The following UXS1 variants were observed in gnomAD, a reference collection of about 807,000 sequenced individuals.
UXS1 encodes UDP-glucuronate decarboxylase 1, also known as UDP-glucuronic acid decarboxylase 1.
Under a neutral mutation model 62.6 loss-of-function variants are expected in UXS1, and 33 were observed. The observed-to-expected ratio is 0.53, with a 90% CI of 0.40 to 0.70. UXS1 has a LOEUF of 0.70. UXS1 is among the 30% of genes least tolerant of loss of function. UXS1 has a pLI of 0.00. For missense variants in UXS1, 434 were observed against 556.3 expected (o/e 0.78, Z 2.21); for synonymous variants, 213 against 206.8 (o/e 1.03, Z -0.26).
chr2:106,163,688 TTC>T lies in UXS1; in HGVS notation c.207_208del (p.Lys70AsnfsTer41). 6.8e-7 allele frequency: 1 copy of T among 1,473,320 alleles called. No individual in the cohort carries two copies. Among genetic ancestry groups the T allele is most frequent in the Non-Finnish European group, 9.0e-7 (1 of 1,110,756 alleles). The allele number at this position is 1,473,320 out of a possible 1,614,324, so 91.3% of individuals were successfully genotyped here. A position where few individuals can be genotyped will look rare whatever the true frequency, so the allele number is the denominator to read the frequency against. On this transcript the variant is annotated frameshift_variant, in exon 4 of 15. Coordinates refer to ENST00000283148, the MANE Select transcript of UXS1 (RefSeq NM_001253875.2). LOFTEE classifies it high-confidence loss of function. ...ATACCTTTTTTCTAAATCTCTGATT[TTC>T]TCTCTTAGTGGTTCAACCATCTAGA...
At chr2:106,097,266 A>G in intron 13 of UXS1, 1 of 452,382 alleles carries the variant, frequency 2.2e-6, no homozygotes, top group South Asian at 1.6e-5. Flanking sequence ...GAGCCTAGAC[A>G]GCCCTGAGAC....
intron 1 of UXS1, among the ~76,000 whole-genome samples, chr2:106,190,742 T>TAA (rs1573603747): frequency 6.0e-4 from 6 of 9,970 alleles, no homozygotes; most frequent in Admixed American, 9.4e-4. Flanking sequence ...AAACTCTGTA[T>TAA]CAAAAAAAAA....
chr2:106,127,329 G>A (rs1252995157), intron 7 of UXS1, among the ~76,000 whole-genome samples: 5 of 152,242 alleles, frequency 3.3e-5, no homozygotes, highest in Middle Eastern at 3.4e-3. Context: ...CTGTTTTCCA[G>A]AGTAACTATA....
chr2:106,184,525 T>C (rs1310635635), intron 1 of UXS1, among the ~76,000 whole-genome samples: 1 of 152,216 alleles, frequency 6.6e-6, no homozygotes, highest in Non-Finnish European at 1.5e-5. Flanking sequence ...CTCACAGTTA[T>C]GAAGGTTGGG....
chr2:106,190,743 C>CAAAAAAAA (rs35043298), intron 1 of UXS1, among the ~76,000 whole-genome samples: 27 of 124,630 alleles, frequency 2.2e-4, no homozygotes, highest in African/African-American at 3.4e-4. Flanking sequence ...AACTCTGTAT[C>CAAAAAAAA]AAAAAAAAAA....
At chr2:106,161,265 T>C (rs1247071276) in intron 4 of UXS1, among the ~76,000 whole-genome samples, 1 of 151,754 alleles carries the variant, frequency 6.6e-6, no homozygotes, top group Non-Finnish European at 1.5e-5. Flanking sequence ...TAATCACAGC[T>C]CACTGCAGCC....
At chr2:106,094,183 G>A (rs1304858547) in intron 14 of UXS1, 26 bp from the exon 15 acceptor site, 16 of 1,476,102 alleles carry the variant, frequency 1.1e-5, no homozygotes, top group African/African-American at 3.7e-5. Flanking sequence ...GCAAGAAAGG[G>A]AGACAAGGTC....
chr2:106,149,908 G>A (rs1204006384), intron 5 of UXS1, among the ~76,000 whole-genome samples: 2 of 152,166 alleles, frequency 1.3e-5, no homozygotes, highest in South Asian at 2.1e-4. Context: ...GAGATTACCT[G>A]TAACATGGTT....
At chr2:106,142,171 CA>C (rs1246823553) in intron 6 of UXS1, among the ~76,000 whole-genome samples, 1 of 152,138 alleles carries the variant, frequency 6.6e-6, no homozygotes, top group African/African-American at 2.4e-5. Context: ...CATGCCCAGC[CA>C]ACTTCCTCAA....
chr2:106,110,795 A>G (rs985511970), intron 10 of UXS1, among the ~76,000 whole-genome samples: 8 of 152,240 alleles, frequency 5.3e-5, no homozygotes, highest in African/African-American at 1.9e-4. Flanking sequence ...CACTGTACTA[A>G]CAGAGATTGG....
chr2:106,097,795 C>T (rs141836679), intron 13 of UXS1: 38 of 157,032 alleles, frequency 2.4e-4, no homozygotes, highest in African/African-American at 3.1e-4. Flanking sequence ...CCCTTCCTCA[C>T]GCAGGAGGAA....
At chr2:106,111,079 CCT>C (rs746899363) in intron 10 of UXS1, among the ~76,000 whole-genome samples, 92 of 152,192 alleles carry the variant, frequency 6.0e-4, no homozygotes, top group Non-Finnish European at 1.0e-3. Context: ...GCTTCCGACC[CCT>C]CTTTACAAGG....
rs114597062 is a variant in UXS1 at position 106,184,941 on chromosome 2, T to C, written c.94+9207A>G. Among the ~76,000 whole-genome samples, 494 of 152,330 alleles carry C rather than the reference T, an allele frequency of 3.2e-3. 2 individuals carry two copies. The highest frequency in any genetic ancestry group is 0.011 in the African/African-American group (468 of 41,570). On this transcript the variant is annotated intron_variant, in intron 1 of 14. Transcript: ENST00000283148. ...CCCAAAATGCAAAACTGATTATACT[T>C]TGCCCTGCCCTAATGTCTGAACACT...
intron 7 of UXS1, among the ~76,000 whole-genome samples, chr2:106,125,952 G>A (rs888650497): frequency 2.6e-5 from 4 of 152,194 alleles, no homozygotes; most frequent in African/African-American, 9.7e-5. Flanking sequence ...GTGATTTGAG[G>A]AGTTTCGTGA....
intron 1 of UXS1, among the ~76,000 whole-genome samples, chr2:106,177,029 T>C (rs1683925758): frequency 6.6e-6 from 1 of 152,162 alleles, no homozygotes; most frequent in Admixed American, 6.5e-5. Flanking sequence ...ATGTCACCTT[T>C]TTTAAAGGGT....
At position 106,185,687 on chromosome 2, in the gene UXS1, T is replaced by C. The variant is rs550063772; in HGVS notation, c.94+8461A>G. Among the ~76,000 whole-genome samples the C allele has an allele frequency of 2.6e-5, 4 of 152,366 alleles. No homozygotes were observed. The South Asian group carries it at 8.3e-4, about 32-fold the overall frequency. On this transcript the variant is annotated intron_variant, in intron 1 of 14. Transcript: ENST00000283148. Reference sequence around the variant, plus strand: ...TGTTATCTTACTTGGAAAAAAGGTCTTTTTAGCTGTAATTAAAGATCTCAA... The same window carrying C: ...TGTTATCTTACTTGGAAAAAAGGTCCTTTTAGCTGTAATTAAAGATCTCAA...
intron 4 of UXS1, chr2:106,159,427 T>G (rs1001529193): frequency 3.3e-5 from 5 of 152,294 alleles, no homozygotes; most frequent in African/African-American, 1.2e-4. Context: ...TCTGTGGATC[T>G]GCTCTGACCC....
In UXS1 at chr2:106,093,904, GAA is replaced by G; in HGVS notation, c.*120_*121del. 1 of 1,312,570 alleles carries G rather than the reference GAA, an allele frequency of 7.6e-7. No individual in the cohort carries two copies. Among genetic ancestry groups the G allele is most frequent in the Non-Finnish European group, 1.0e-6 (1 of 998,730 alleles). The allele number at this position is 1,312,570 out of a possible 1,614,324, so 81.3% of individuals were successfully genotyped here. A position where few individuals can be genotyped will look rare whatever the true frequency, so the allele number is the denominator to read the frequency against. On this transcript the variant is annotated 3_prime_UTR_variant, in exon 15 of 15. Coordinates refer to ENST00000283148, the MANE Select transcript of UXS1 (RefSeq NM_001253875.2). ...ATTTCATTAAAGCAAGCTTCAGAAT[GAA>G]ATTCCAGTTTGTTCTTCATGACACC...
intron 9 of UXS1, among the ~76,000 whole-genome samples, chr2:106,114,019 C>A (rs577949399): frequency 6.6e-6 from 1 of 152,332 alleles, no homozygotes; most frequent in African/African-American, 2.4e-5. Context: ...CCTTAGCTAA[C>A]AAGGCTTACT....
Sources: allele counts gnomAD v4.1 joint callset (sites outside exome capture counted in the v4.1 genomes callset), GRCh38; gene constraint gnomAD v4.1.1; transcripts MANE v1.5; gene names NCBI Gene and HGNC (gene_info 2026-07-23, HGNC 2026-07-21).